Variants in CEP83 observed in about 807,000 individuals in gnomAD.
CEP83 encodes centrosomal protein 83, also known as centrosomal protein of 83 kDa.
A neutral mutation model predicts 101.9 loss-of-function variants in CEP83; 70 were observed. The ratio of observed to expected loss-of-function variants is 0.69; its 90% CI spans 0.57 to 0.84. CEP83 has a LOEUF of 0.84. CEP83 is among the 40% of genes least tolerant of loss of function. The pLI is 0.00. For missense variants in CEP83, 715 were observed against 787.2 expected (o/e 0.91, Z 1.10); for synonymous variants, 264 against 267.9 (o/e 0.99, Z 0.14).
At chr12:94,377,433 A>T (rs913480595) in intron 7 of CEP83, among the ~76,000 whole-genome samples, 1 of 152,220 alleles carries the variant, frequency 6.6e-6, no homozygotes, top group Non-Finnish European at 1.5e-5. Flanking sequence ...ACCATCGGAC[A>T]GTCAAAAAAT....
chr12:94,343,545 A>G (rs1018076562), intron 11 of CEP83, among the ~76,000 whole-genome samples: 3 of 126,264 alleles, frequency 2.4e-5, no homozygotes, highest in Non-Finnish European at 3.1e-5. Context: ...TGCGGACTGC[A>G]GTGGCGCAAT....
intron 2 of CEP83, among the ~76,000 whole-genome samples, chr12:94,416,725 C>T (rs191107181): frequency 1.4e-4 from 21 of 152,060 alleles, no homozygotes; most frequent in South Asian, 6.2e-4. Flanking sequence ...CTTCCTGAAC[C>T]GTAATAAAGC....
At chr12:94,310,956 C>A (rs1593065494) in intron 15 of CEP83, among the ~76,000 whole-genome samples, 1 of 152,040 alleles carries the variant, frequency 6.6e-6, no homozygotes, top group Admixed American at 6.6e-5. Flanking sequence ...TGGCTGGGGG[C>A]CCCTGAATAG....
At chr12:94,381,080 T>C (rs1214558510) in intron 6 of CEP83, among the ~76,000 whole-genome samples, 2 of 152,200 alleles carry the variant, frequency 1.3e-5, no homozygotes, top group Non-Finnish European at 2.9e-5. Context: ...CCCAAAACTG[T>C]TTTAGGTAGT....
intron 11 of CEP83, among the ~76,000 whole-genome samples, chr12:94,352,051 T>G (rs1242531067): frequency 6.6e-6 from 1 of 152,182 alleles, no homozygotes; most frequent in Non-Finnish European, 1.5e-5. Flanking sequence ...AAAAAGTCCT[T>G]CTTTACAAAA....
chr12:94,445,181 C>G (rs1300073950), intron 1 of CEP83, among the ~76,000 whole-genome samples: 1 of 152,000 alleles, frequency 6.6e-6, no homozygotes, highest in Non-Finnish European at 1.5e-5. Context: ...CAAATAGAAA[C>G]AGTCAATTGA....
At chr12:94,436,874 G>A (rs2066029453) in intron 1 of CEP83, among the ~76,000 whole-genome samples, 1 of 150,366 alleles carries the variant, frequency 6.7e-6, no homozygotes, top group African/African-American at 2.4e-5. Flanking sequence ...GAAAAGAGAA[G>A]AAAAAATTAT....
chr12:94,303,114 TTTAA>T (rs1968635069), downstream of CEP83, among the ~76,000 whole-genome samples: 1 of 152,224 alleles, frequency 6.6e-6, no homozygotes, highest in Non-Finnish European at 1.5e-5. Flanking sequence ...TAAAATCATA[TTTAA>T]TTTTTAAATA....
chr12:94,401,003 C>T, intron 5 of CEP83, 22 bp from the exon 6 acceptor site: 1 of 1,301,314 alleles, frequency 7.7e-7, no homozygotes. Context: ...ATGCATTTAT[C>T]ATAGATTTAT....
At chr12:94,411,606 A>G (rs117182855) in intron 4 of CEP83, 91 bp downstream of exon 4, 2 of 847,122 alleles carry the variant, frequency 2.4e-6, no homozygotes, top group South Asian at 1.7e-5. Flanking sequence ...AAGGATATAG[A>G]CAGAAATTGC....
intron 11 of CEP83, among the ~76,000 whole-genome samples, chr12:94,366,951 TAAC>T (rs1214286969): frequency 6.6e-6 from 1 of 151,858 alleles, no homozygotes; most frequent in Non-Finnish European, 1.5e-5. Context: ...ACAAAAAAAA[TAAC>T]AAAATCTTAT....
At chr12:94,273,444 C>T in the CEP83 span, among the ~76,000 whole-genome samples, 1 of 152,120 alleles carries the variant, frequency 6.6e-6, no homozygotes, top group South Asian at 2.1e-4. Context: ...CAAGTGTCTC[C>T]ATGGTCTAGG....
At chr12:94,386,251 A>C (rs931797783) in intron 6 of CEP83, among the ~76,000 whole-genome samples, 1 of 152,200 alleles carries the variant, frequency 6.6e-6, no homozygotes, top group Non-Finnish European at 1.5e-5. Flanking sequence ...ATTTCTACTC[A>C]AAGTACTATG....
At chr12:94,291,292 G>A in the CEP83 span, among the ~76,000 whole-genome samples, 1 of 152,332 alleles carries the variant, frequency 6.6e-6, no homozygotes, top group South Asian at 2.1e-4. Context: ...CTGGAGTGCA[G>A]TGGCACAATC....
chr12:94,290,303 C>T, the CEP83 span, among the ~76,000 whole-genome samples: 1 of 152,156 alleles, frequency 6.6e-6, no homozygotes, highest in Non-Finnish European at 1.5e-5. Context: ...CTGAGTATTG[C>T]TAAGGGGGTG....
intron 1 of CEP83, among the ~76,000 whole-genome samples, chr12:94,458,367 A>G (rs896846451): frequency 6.6e-6 from 1 of 152,322 alleles, no homozygotes; most frequent in African/African-American, 2.4e-5. Context: ...AATACCCAGC[A>G]TACTCTGTCC....
chr12:94,417,959 TAAAC>T (rs2064413355), intron 2 of CEP83, among the ~76,000 whole-genome samples: 1 of 152,086 alleles, frequency 6.6e-6, no homozygotes, highest in African/African-American at 2.4e-5. Context: ...TAAAAATGCT[TAAAC>T]AAACAATGAC....
At chr12:94,330,673 CT>C (rs1181379501) in intron 14 of CEP83, among the ~76,000 whole-genome samples, 2 of 152,128 alleles carry the variant, frequency 1.3e-5, no homozygotes, top group Non-Finnish European at 2.9e-5. Flanking sequence ...ACAAAAAAGC[CT>C]TTTAACCACA....
Position 94,410,924 on chromosome 12 carries a change from G to C in CEP83, c.324+773C>G, listed in dbSNP as rs188103978. Among the ~76,000 whole-genome samples the C allele has an allele frequency of 1.6e-4, 24 of 152,150 alleles. No homozygotes were observed. In the East Asian group the frequency reaches 4.4e-3, roughly 28 times the overall value. ...TCTGTCAAAGGATATCTAAGAGTTG[G>C]GTGATATGCCAGACTAGGTGACTTG... On this transcript the variant is annotated intron_variant, in intron 4 of 16. Transcript: ENST00000397809.
Sources: allele counts gnomAD v4.1 joint callset (sites outside exome capture counted in the v4.1 genomes callset), GRCh38; gene constraint gnomAD v4.1.1; transcripts MANE v1.5; gene names NCBI Gene and HGNC (gene_info 2026-07-23, HGNC 2026-07-21).